DIP2B: variants seen among roughly 807,000 people sequenced by gnomAD.
DIP2B encodes the protein DIP2 acetate--CoA ligase B (putative), also known as disco-interacting protein 2 homolog B.
DIP2B carries 76 observed loss-of-function variants against 198.0 expected under a neutral mutation model. The observed-to-expected ratio is 0.38, with a 90% CI of 0.32 to 0.46. The LOEUF (loss-of-function observed/expected upper bound fraction) is 0.46. Ranked by LOEUF, DIP2B falls within the 20% of genes least tolerant of loss-of-function variation. The probability of loss-of-function intolerance (pLI) is 0.99; values close to 1 mark genes in which losing one functional copy is unlikely to be tolerated. For missense variants in DIP2B, 1,559 were observed against 1,978.4 expected (o/e 0.79, Z 4.02); for synonymous variants, 701 against 739.1 (o/e 0.95, Z 0.84).
chr12:50,601,771 T>C (rs897222664), intron 1 of DIP2B, among the ~76,000 whole-genome samples: 15 of 152,254 alleles, frequency 9.9e-5, no homozygotes, highest in African/African-American at 3.6e-4. Context: ...CTGTACATTC[T>C]TACTATATCT....
chr12:50,596,804 A>G (rs1345633173), intron 1 of DIP2B, among the ~76,000 whole-genome samples: 1 of 152,230 alleles, frequency 6.6e-6, no homozygotes, highest in East Asian at 1.9e-4. Flanking sequence ...GAGTTGGATA[A>G]CCCAAGATAT....
chr12:50,561,943 T>C (rs566677479), intron 1 of DIP2B, among the ~76,000 whole-genome samples: 1 of 152,344 alleles, frequency 6.6e-6, no homozygotes, highest in Admixed American at 6.5e-5. Flanking sequence ...ATTGGTCTGC[T>C]TCTCTTTGAA....
chr12:50,509,923 C>A (rs1032988543), intron 1 of DIP2B, among the ~76,000 whole-genome samples: 2 of 152,144 alleles, frequency 1.3e-5, no homozygotes, highest in African/African-American at 4.8e-5. Flanking sequence ...TTTTAAATAA[C>A]CAAGAATGGG....
intron 1 of DIP2B, among the ~76,000 whole-genome samples, chr12:50,601,050 T>C (rs577861895): frequency 3.0e-4 from 45 of 152,154 alleles, no homozygotes; most frequent in South Asian, 1.0e-3. Context: ...TTTCTAACTT[T>C]TCCTTAGTGC....
At chr12:50,646,516 G>A (rs189020578) in intron 3 of DIP2B, among the ~76,000 whole-genome samples, 60 of 152,170 alleles carry the variant, frequency 3.9e-4, no homozygotes, top group Non-Finnish European at 2.9e-4. Context: ...CCGCCTCCTG[G>A]GTTAAAGTAA....
chr12:50,741,498 T>C lies in DIP2B; in HGVS notation c.4437T>C (p.Ile1479=). ...GATTACGATACCACCCAATTGATAT[T>C]GAGACCTCGGTGTCCCGGATCCACA... is the stretch of plus-strand genomic sequence containing the variant. The part of the protein sequence containing the change: ...LRGLRYHPID[I]ETSVSRIHRS... Residue 1479 remains isoleucine, a synonymous_variant, in exon 37 of 38, where the codon ATT becomes ATC. Transcript: ENST00000301180. The C allele has an allele frequency of 6.2e-7, 1 of 1,614,156 alleles. No homozygotes were observed. The highest frequency in any genetic ancestry group is 8.5e-7 in the Non-Finnish European group (1 of 1,180,008).
intron 8 of DIP2B, 91 bp downstream of exon 8, chr12:50,678,967 G>T: frequency 1.4e-6 from 2 of 1,393,434 alleles, no homozygotes; most frequent in Non-Finnish European, 2.0e-6. Flanking sequence ...GCAGTTGCTG[G>T]CCATTATGTT....
At chr12:50,644,581 G>T (rs1938317791) in intron 3 of DIP2B, among the ~76,000 whole-genome samples, 1 of 152,162 alleles carries the variant, frequency 6.6e-6, no homozygotes. Context: ...TGTTCAGTGA[G>T]TCAAATTCAG....
chr12:50,640,152 A>G (rs1938229061), intron 2 of DIP2B, among the ~76,000 whole-genome samples: 1 of 152,196 alleles, frequency 6.6e-6, no homozygotes, highest in South Asian at 2.1e-4. Context: ...ATAAAAAGGC[A>G]GGAAAACATC....
chr12:50,531,126 A>G (rs1958213143), intron 1 of DIP2B, among the ~76,000 whole-genome samples: 1 of 152,170 alleles, frequency 6.6e-6, no homozygotes, highest in Non-Finnish European at 1.5e-5. Flanking sequence ...GCTCACTACA[A>G]GTTCTGACTT....
rs982601877 is a variant in DIP2B at position 50,518,213 on chromosome 12, T to C, written c.100+12973T>C. 6.0e-5 allele frequency among the ~76,000 whole-genome samples: 8 copies of C among 132,546 alleles called. No homozygotes were observed. The Admixed American group carries it at 7.4e-4, about 12-fold the overall frequency. 87.0% of individuals were successfully genotyped at this position (132,546 alleles called of 152,430 possible). On this transcript the variant is annotated intron_variant, in intron 1 of 37. Coordinates refer to ENST00000301180, the MANE Select transcript of DIP2B (RefSeq NM_173602.3). The stretch of plus-strand genomic sequence containing the variant: ...CATGCTGAATTGGGTTCACATATGG[T>C]CTTGGGCAACTTTTTTTTTTTTTTT...
At position 50,645,586 on chromosome 12, in the gene DIP2B, T is replaced by A. The variant is rs142399087; in HGVS notation, c.301+4734T>A. ...AATCTTCCTGCCTCAGCCTCTTAAG[T>A]AGTTGGAAGTACAGGCACATGCTAC... On this transcript the variant is annotated intron_variant, in intron 3 of 37. Transcript: ENST00000301180. Among the ~76,000 whole-genome samples the A allele has an allele frequency of 2.6e-5, 4 of 151,926 alleles. No homozygotes were observed. In the East Asian group the frequency reaches 7.7e-4, roughly 29 times the overall value.
At chr12:50,578,684 A>G (rs917884267) in intron 1 of DIP2B, among the ~76,000 whole-genome samples, 27 of 151,124 alleles carry the variant, frequency 1.8e-4, no homozygotes, top group African/African-American at 6.1e-4. Context: ...ATTTTTTTGT[A>G]TTTTTAGTAG....
In DIP2B at chr12:50,744,794, C is replaced by T; in HGVS notation, c.4686C>T (p.Phe1562=). The T allele has an allele frequency of 6.2e-7, 1 of 1,614,194 alleles. No homozygotes were observed. Among genetic ancestry groups the T allele is most frequent in the African/African-American group, 1.3e-5 (1 of 75,042 alleles). ...EKQRMHLRDS[F]LADQLDPIYV... ...AGAGGATGCACCTCCGTGATAGCTT[C>T]CTAGCTGACCAGTTAGACCCCATCT... Residue 1562 remains phenylalanine (F), a synonymous_variant, in exon 38 of 38, where the codon TTC becomes TTT. Coordinates refer to ENST00000301180, the MANE Select transcript of DIP2B (RefSeq NM_173602.3).
At chr12:50,549,399 G>A (rs1048376760) in intron 1 of DIP2B, among the ~76,000 whole-genome samples, 1 of 151,978 alleles carries the variant, frequency 6.6e-6, no homozygotes, top group African/African-American at 2.4e-5. Context: ...GCATGGTGGC[G>A]GGTGCCTGTA....
At position 50,662,414 on chromosome 12, in the gene DIP2B, A is replaced by G. The variant is rs575784004; in HGVS notation, c.427+2095A>G. On this transcript the variant is annotated intron_variant, in intron 4 of 37. Coordinates refer to ENST00000301180, the MANE Select transcript of DIP2B (RefSeq NM_173602.3). ...GATATCTTGATGCTGTCATGCAACA[A>G]TTACACACATGCCTAAGACAAATAC... 3.9e-5 allele frequency among the ~76,000 whole-genome samples: 6 copies of G among 152,354 alleles called. No homozygotes were observed. The South Asian group carries it at 1.0e-3, about 26-fold the overall frequency.
intron 1 of DIP2B, among the ~76,000 whole-genome samples, chr12:50,584,342 C>T (rs1305971346): frequency 6.6e-6 from 1 of 152,096 alleles, no homozygotes; most frequent in Non-Finnish European, 1.5e-5. Context: ...TTTCCCTGCC[C>T]CTGTCCAGCC....
chr12:50,590,720 G>T (rs1055318920), intron 1 of DIP2B, among the ~76,000 whole-genome samples: 1 of 152,164 alleles, frequency 6.6e-6, no homozygotes, highest in Non-Finnish European at 1.5e-5. Flanking sequence ...TCATTATTAT[G>T]ATCATTTCCA....
At chr12:50,735,471 TTTTTTG>T (rs1454169550) in intron 34 of DIP2B, among the ~76,000 whole-genome samples, 15 of 136,256 alleles carry the variant, frequency 1.1e-4, no homozygotes, top group Middle Eastern at 3.8e-3. Context: ...TTGTTTTTTG[TTTTTTG>T]TTTTTTTTGA....
Sources: gnomAD v4.1 joint callset for allele counts (sites outside exome capture counted in the v4.1 genomes callset) on GRCh38, gnomAD v4.1.1 for gene constraint, MANE v1.5 for transcripts, NCBI Gene and HGNC (gene_info 2026-07-23, HGNC 2026-07-21) for gene names.